The following DNAH14 variants were observed in gnomAD, a reference collection of about 807,000 sequenced individuals.
DNAH14 encodes dynein axonemal heavy chain 14, also known as axonemal beta dynein heavy chain 14.
Under a neutral mutation model 520.9 loss-of-function variants are expected in DNAH14, and 478 were observed. The ratio of observed to expected loss-of-function variants is 0.92; its 90% CI spans 0.85 to 0.99. The LOEUF (loss-of-function observed/expected upper bound fraction) is 0.99, where lower values mean the gene tolerates loss of function less well. Among genes scored for constraint, DNAH14 ranks in the 50% least tolerant of loss-of-function variants. The probability of loss-of-function intolerance (pLI) is 0.00; values close to 1 mark genes in which losing one functional copy is unlikely to be tolerated. For synonymous variants in DNAH14, 1,581 were observed against 1,757.2 expected, an observed-to-expected ratio of 0.90 and a Z score of 2.51; for missense variants, 4,831 against 5,234.5, an observed-to-expected ratio of 0.92 and a Z score of 2.38.
At chr1:225,336,078 T>A (rs71527027) in intron 66 of DNAH14, among the ~76,000 whole-genome samples, 16,371 of 144,362 alleles carry the variant, frequency 0.11, 1,115 homozygotes, top group East Asian at 0.25. Flanking sequence ...TACATACTTA[T>A]ATATACATAT....
At chr1:225,205,069 T>C (rs2087351559) in intron 39 of DNAH14, among the ~76,000 whole-genome samples, 2 of 152,180 alleles carry the variant, frequency 1.3e-5, no homozygotes, top group African/African-American at 4.8e-5. Context: ...CTATTTTCTG[T>C]CTGCATAGTG....
chr1:225,374,266 A>ATTTTTTT (rs1368553950), intron 77 of DNAH14, among the ~76,000 whole-genome samples: 1 of 32,944 alleles, frequency 3.0e-5, no homozygotes, highest in African/African-American at 7.0e-5. Flanking sequence ...ATATATATAT[A>ATTTTTTT]TATATTTTTT....
At chr1:225,262,675 GGTTCTCTGTTTT>G (rs1269058639) in intron 46 of DNAH14, among the ~76,000 whole-genome samples, 1 of 151,670 alleles carries the variant, frequency 6.6e-6, no homozygotes. Flanking sequence ...TTTATTTCTG[GGTTCTCTGTTTT>G]GTTCCTTTGA....
Position 225,217,743 on chromosome 1 carries a change from C to T in DNAH14, c.6439+10523C>T, listed in dbSNP as rs545160561. ...CTCCTGGTGTGCCATTTGCTAAGGC[C>T]GTTGCAGAAGCGCAGTATTAGGGTA... On this transcript the variant is annotated intron_variant, in intron 41 of 85. Transcript: ENST00000682510. Among the ~76,000 whole-genome samples, 514 of 152,274 alleles carry T rather than the reference C, an allele frequency of 3.4e-3. 1 individual carries two copies. The highest frequency in any genetic ancestry group is 7.8e-3 in the Admixed American group (120 of 15,300).
intron 65 of DNAH14, among the ~76,000 whole-genome samples, chr1:225,332,830 C>CAAAA (rs36110645): frequency 1.1e-5 from 1 of 90,832 alleles, no homozygotes; most frequent in African/African-American, 3.7e-5. Flanking sequence ...CCTGTCTCTA[C>CAAAA]AAAAAAAAAA....
intron 1 of DNAH14, among the ~76,000 whole-genome samples, chr1:224,937,412 C>T (rs1341159711): frequency 6.6e-6 from 1 of 151,762 alleles, no homozygotes; most frequent in African/African-American, 2.4e-5. Context: ...ACACCAAAAG[C>T]AAACAATCTG....
intron 64 of DNAH14, among the ~76,000 whole-genome samples, chr1:225,327,027 C>T (rs2094686790): frequency 6.6e-6 from 1 of 152,228 alleles, no homozygotes; most frequent in Non-Finnish European, 1.5e-5. Context: ...ACATTCTTCT[C>T]AGTTGCACCT....
At chr1:225,316,856 G>A (rs776345424) in intron 60 of DNAH14, among the ~76,000 whole-genome samples, 16 of 152,196 alleles carry the variant, frequency 1.1e-4, no homozygotes, top group Admixed American at 3.3e-4. Context: ...TTTTCTCACC[G>A]CATACTCTGT....
intron 64 of DNAH14, among the ~76,000 whole-genome samples, chr1:225,329,354 T>G (rs901734149): frequency 1.3e-5 from 2 of 152,186 alleles, no homozygotes; most frequent in South Asian, 4.2e-4. Flanking sequence ...AATAAACCAA[T>G]TTGGATAAAG....
At chr1:225,368,087 G>A (rs2095575298) in intron 77 of DNAH14, 55 bp downstream of exon 77, 22 of 1,406,102 alleles carry the variant, frequency 1.6e-5, no homozygotes, top group Non-Finnish European at 1.9e-5. Flanking sequence ...GATACAAATT[G>A]AGAGCCTACT....
chr1:225,096,027 T>A (rs2074932743), intron 21 of DNAH14, among the ~76,000 whole-genome samples: 1 of 152,154 alleles, frequency 6.6e-6, no homozygotes, highest in Non-Finnish European at 1.5e-5. Context: ...AGTGCCGTGG[T>A]GCAGTCTCCA....
intron 44 of DNAH14, 50 bp from the exon 45 acceptor site, chr1:225,257,910 G>T (rs1311797131): frequency 1.8e-5 from 23 of 1,305,550 alleles, no homozygotes; most frequent in Admixed American, 2.6e-5. Context: ...AAGATGAGGT[G>T]AATAGTACTT....
intron 21 of DNAH14, among the ~76,000 whole-genome samples, chr1:225,093,708 C>T (rs558982473): frequency 6.6e-6 from 1 of 152,072 alleles, no homozygotes; most frequent in Non-Finnish European, 1.5e-5. Context: ...TGTTTGTAGA[C>T]CATATGATTC....
chr1:224,980,825 A>G (rs939455454), intron 8 of DNAH14, among the ~76,000 whole-genome samples: 2 of 152,036 alleles, frequency 1.3e-5, no homozygotes, highest in African/African-American at 2.4e-5. Flanking sequence ...GGCTTGTGTC[A>G]CCCCACCCCC....
chr1:225,170,675 CT>C (rs938873989), intron 36 of DNAH14, among the ~76,000 whole-genome samples: 1 of 152,132 alleles, frequency 6.6e-6, no homozygotes, highest in Non-Finnish European at 1.5e-5. Flanking sequence ...TAATGGGAGA[CT>C]TTAATACCCC....
chr1:225,174,765 A>G (rs1392149604), intron 36 of DNAH14, among the ~76,000 whole-genome samples: 1 of 152,168 alleles, frequency 6.6e-6, no homozygotes, highest in Non-Finnish European at 1.5e-5. Context: ...CTTAGAAGAA[A>G]GGCTTTCAAC....
intron 41 of DNAH14, among the ~76,000 whole-genome samples, chr1:225,217,366 G>A (rs111754770): frequency 1.3e-5 from 2 of 152,114 alleles, no homozygotes; most frequent in East Asian, 3.9e-4. Context: ...CACTTGAGGA[G>A]GCAGTCTGTC....
At position 225,398,510 on chromosome 1, in the gene DNAH14, T is replaced by C. The variant is rs1201156303; in HGVS notation, c.13492-10T>C. 6.4e-7 allele frequency: 1 copy of C among 1,551,300 alleles called. No individual in the cohort carries two copies. Among genetic ancestry groups the C allele is most frequent in the African/African-American group, 1.4e-5 (1 of 73,038 alleles). On this transcript the variant is annotated splice_polypyrimidine_tract_variant and intron_variant, in intron 84 of 85. Coordinates refer to ENST00000682510, the MANE Select transcript of DNAH14 (RefSeq NM_001367479.1). The stretch of plus-strand genomic sequence containing the variant: ...TGGGGATCCCTGACACCACCTCTCT[T>C]CCATCTTAGGGCTCAGCTTCCTCTC...
intron 41 of DNAH14, among the ~76,000 whole-genome samples, chr1:225,209,854 C>A (rs1248298338): frequency 6.6e-6 from 1 of 152,102 alleles, no homozygotes; most frequent in Non-Finnish European, 1.5e-5. Context: ...AAAGGGCGAG[C>A]AGAAGCAGGG....
Sources: allele counts gnomAD v4.1 joint callset (sites outside exome capture counted in the v4.1 genomes callset), GRCh38; gene constraint gnomAD v4.1.1; transcripts MANE v1.5; gene names NCBI Gene and HGNC (gene_info 2026-07-23, HGNC 2026-07-21).